Variants in MEI1 observed in about 807,000 individuals in gnomAD.
MEI1 encodes meiosis inhibitor protein 1.
In MEI1, 103 loss-of-function variants were observed where a neutral mutation model predicts 146.2. The observed-to-expected ratio is 0.70, with a 90% CI of 0.60 to 0.83. MEI1 has a LOEUF of 0.83. MEI1 is among the 40% of genes least tolerant of loss of function. The pLI, the probability that MEI1 is intolerant of heterozygous loss-of-function variation, is 0.00. For missense variants in MEI1, 1,529 were observed against 1,533.0 expected, an observed-to-expected ratio of 1.00 and a Z score of 0.04; for synonymous variants, 652 against 628.2, an observed-to-expected ratio of 1.04 and a Z score of -0.57.
intron 3 of MEI1, among the ~76,000 whole-genome samples, chr22:41,712,258 G>A (rs1029910761): frequency 7.0e-5 from 10 of 143,144 alleles, no homozygotes; most frequent in Admixed American, 6.2e-4. Flanking sequence ...TCTTTGATAC[G>A]GAGTCTCGCT....
chr22:41,797,809 C>T (rs545442126), intron 30 of MEI1, among the ~76,000 whole-genome samples: 1 of 152,144 alleles, frequency 6.6e-6, no homozygotes, highest in African/African-American at 2.4e-5. Context: ...CCTGTACCTA[C>T]CTCCTAGGGT....
chr22:41,727,611 CA>C (rs60247043), intron 7 of MEI1, among the ~76,000 whole-genome samples: 126,819 of 152,116 alleles, frequency 0.83, 53,825 homozygotes, highest in African/African-American at 0.95. Flanking sequence ...TAAAGGTTCC[CA>C]AAGACTACCC....
rs377059216 is a variant in MEI1 at position 41,799,065 on chromosome 22, A to G, written c.3780-189A>G. On this transcript the variant is annotated intron_variant, in intron 30 of 30. Coordinates refer to ENST00000401548, the MANE Select transcript of MEI1 (RefSeq NM_152513.4). ...CTCTCTTCCTTGCCCCTTCCGTGCA[A>G]TAGTTCCCTGTTGAATAGCAACTAC... Among the ~76,000 whole-genome samples the G allele has an allele frequency of 9.9e-5, 15 of 152,162 alleles. No homozygotes were observed. The East Asian group carries it at 1.9e-3, about 20-fold the overall frequency.
At chr22:41,775,082 C>A (rs2075372969) in intron 20 of MEI1, among the ~76,000 whole-genome samples, 1 of 152,248 alleles carries the variant, frequency 6.6e-6, no homozygotes, top group Non-Finnish European at 1.5e-5. Context: ...GAATTGGCTT[C>A]TTTGAGCTAG....
intron 3 of MEI1, among the ~76,000 whole-genome samples, chr22:41,706,501 A>T (rs1029598335): frequency 6.6e-6 from 1 of 152,178 alleles, no homozygotes; most frequent in Non-Finnish European, 1.5e-5. Flanking sequence ...ACTCTTTTTT[A>T]GTACATCTCG....
chr22:41,785,188 G>A (rs1289785778), intron 26 of MEI1, among the ~76,000 whole-genome samples: 3 of 151,698 alleles, frequency 2.0e-5, no homozygotes, highest in Non-Finnish European at 4.4e-5. Flanking sequence ...GCCTGCCTCC[G>A]CCTCCCAAAG....
chr22:41,729,618 C>A, intron 7 of MEI1, 47 bp from the exon 8 acceptor site: 3 of 1,269,440 alleles, frequency 2.4e-6, no homozygotes, highest in South Asian at 1.3e-5. Context: ...TTTTTCTGGT[C>A]CTATTCGTGG....
intron 22 of MEI1, among the ~76,000 whole-genome samples, chr22:41,780,418 A>G (rs968776105): frequency 3.3e-5 from 5 of 152,052 alleles, no homozygotes; most frequent in African/African-American, 1.2e-4. Context: ...GGAGATGGGA[A>G]GTGGGAGTTC....
chr22:41,747,736 C>CCCA (rs1569240908), intron 14 of MEI1, among the ~76,000 whole-genome samples: 3 of 133,222 alleles, frequency 2.3e-5, no homozygotes, highest in Admixed American at 7.6e-5. Flanking sequence ...CCCACCCCCC[C>CCCA]AAAAAAAACA....
rs535483582 is a variant in MEI1 at position 41,711,138 on chromosome 22, ATCT to A, written c.350-2857_350-2855del. On this transcript the variant is annotated intron_variant, in intron 3 of 30. Transcript: ENST00000401548. ...ACTTTATGCTCCCTCTGAAAGGTCC[ATCT>A]TCTTCTCCAGGCCTCATTGTCACCA... 4.6e-5 allele frequency among the ~76,000 whole-genome samples: 7 copies of A among 152,044 alleles called. No individual in the cohort carries two copies. In the East Asian group the frequency reaches 9.7e-4, roughly 21 times the overall value.
chr22:41,781,485 G>T, intron 23 of MEI1, 91 bp downstream of exon 23: 1 of 1,223,146 alleles, frequency 8.2e-7, no homozygotes, highest in East Asian at 2.5e-5. Context: ...AACAAATAGG[G>T]TTGTGTGTGT....
intron 7 of MEI1, among the ~76,000 whole-genome samples, chr22:41,728,640 G>A (rs1033069288): frequency 6.6e-6 from 1 of 152,192 alleles, no homozygotes; most frequent in African/African-American, 2.4e-5. Flanking sequence ...CAAGGCAGGT[G>A]GATGGCTTAA....
In MEI1 at chr22:41,793,872, C is replaced by G. The variant is rs1354570710; in HGVS notation, c.3389C>G (p.Ala1130Gly). 1 of 1,612,072 alleles carries G rather than the reference C, an allele frequency of 6.2e-7. No individual in the cohort carries two copies. The highest frequency in any genetic ancestry group is 8.5e-7 in the Non-Finnish European group (1 of 1,179,576). The change falls in exon 27 of 31, where the codon GCC becomes GGC. Residue 1130 changes from alanine (A) to glycine (G), a missense_variant. Physicochemically the swap from Ala to Gly is moderately conservative, Grantham distance 60 (BLOSUM62 0). Coordinates refer to ENST00000401548, the MANE Select transcript of MEI1 (RefSeq NM_152513.4). ...CAGGCCTGTGTTGGCTGCCTGGAGGCCTTGCTTGACTACCTGGATGCCCGG... is the reference window on the plus strand; with the variant it reads ...CAGGCCTGTGTTGGCTGCCTGGAGGGCTTGCTTGACTACCTGGATGCCCGG... ...LSQACVGCLEALLDYLDARSP... is the reference protein window; with the variant it reads ...LSQACVGCLEGLLDYLDARSP...
intron 6 of MEI1, among the ~76,000 whole-genome samples, chr22:41,719,030 C>T (rs1331346559): frequency 1.4e-5 from 2 of 147,686 alleles, no homozygotes; most frequent in Admixed American, 6.7e-5. Flanking sequence ...TTGCCCAGGC[C>T]GGACTGCAGT....
At chr22:41,714,557 T>C (rs1312861583) in intron 4 of MEI1, among the ~76,000 whole-genome samples, 1 of 152,150 alleles carries the variant, frequency 6.6e-6, no homozygotes, top group Non-Finnish European at 1.5e-5. Flanking sequence ...ATGTTTAATC[T>C]GCTTTCTTCA....
chr22:41,794,518 T>G, intron 28 of MEI1, 41 bp downstream of exon 28: 2 of 1,547,654 alleles, frequency 1.3e-6, no homozygotes, highest in South Asian at 2.2e-5. Context: ...AGGAGTGTCA[T>G]GAGCTGGGTG....
At chr22:41,787,869 C>A (rs896075657) in intron 26 of MEI1, among the ~76,000 whole-genome samples, 1 of 152,164 alleles carries the variant, frequency 6.6e-6, no homozygotes, top group Non-Finnish European at 1.5e-5. Context: ...ACATCTAATA[C>A]CAAAATGACC....
intron 14 of MEI1, among the ~76,000 whole-genome samples, chr22:41,747,047 T>TATAA (rs2073350921): frequency 1.3e-5 from 1 of 79,458 alleles, no homozygotes; most frequent in Non-Finnish European, 3.8e-5. Context: ...ATATATTACT[T>TATAA]TTATAATAAT....
chr22:41,748,222 G>C lies in MEI1; in HGVS notation c.1792+4G>C, dbSNP rs1436984747. On this transcript the variant is annotated splice_donor_region_variant and intron_variant, in intron 15 of 30. Transcript: ENST00000401548. ...GAGAAGTTTTCCAAGAAGCTTGGTA[G>C]GCAGCAGGCAAATGTGGAGGTTGGG... 1.3e-6 allele frequency: 2 copies of C among 1,595,680 alleles called. No individual in the cohort carries two copies. Among genetic ancestry groups the C allele is most frequent in the Non-Finnish European group, 1.7e-6 (2 of 1,163,432 alleles).
Sources: allele counts gnomAD v4.1 joint callset (sites outside exome capture counted in the v4.1 genomes callset), GRCh38; gene constraint gnomAD v4.1.1; transcripts MANE v1.5; gene names NCBI Gene and HGNC (gene_info 2026-07-23, HGNC 2026-07-21).